Variants in PKD2L2 observed in about 807,000 individuals in gnomAD.
PKD2L2 encodes the protein polycystin-2-like protein 2.
PKD2L2 carries 67 observed loss-of-function variants against 83.9 expected under a neutral mutation model. That is an observed-to-expected ratio of 0.80 (90% CI 0.66 to 0.98). The LOEUF (loss-of-function observed/expected upper bound fraction) is 0.98, where lower values mean the gene tolerates loss of function less well. Ranked by LOEUF, PKD2L2 falls within the 50% of genes least tolerant of loss-of-function variation. The pLI, the probability that PKD2L2 is intolerant of heterozygous loss-of-function variation, is 0.00. For missense variants in PKD2L2, 632 were observed against 717.2 expected (o/e 0.88, Z 1.36); for synonymous variants, 223 against 237.8 (o/e 0.94, Z 0.57).
In PKD2L2 at chr5:137,942,667, T is replaced by A. The variant is rs1402024626; in HGVS notation, c.*301T>A. 3.8e-6 allele frequency: 2 copies of A among 526,100 alleles called. No homozygotes were observed. The highest frequency in any genetic ancestry group is 4.0e-5 in the African/African-American group (2 of 50,022). The allele number at this position is 526,100 out of a possible 1,614,324, so 32.6% of individuals were successfully genotyped here. On this transcript the variant is annotated 3_prime_UTR_variant, in exon 15 of 15. Transcript: ENST00000508883. ...CATGAGCCACTGTGCCTGGCTAGAT[T>A]TTTTTTTAATTTTTGAAATACAGTA...
chr5:137,929,461 CAA>C (rs768962600), intron 12 of PKD2L2, among the ~76,000 whole-genome samples: 3 of 34,916 alleles, frequency 8.6e-5, no homozygotes, highest in Non-Finnish European at 1.1e-4. Flanking sequence ...AACTCCATCT[CAA>C]AAAAAAAAAA....
chr5:137,928,603 T>G (rs1759580106), intron 12 of PKD2L2, among the ~76,000 whole-genome samples: 1 of 152,188 alleles, frequency 6.6e-6, no homozygotes, highest in Non-Finnish European at 1.5e-5. Flanking sequence ...AGCTAAATTT[T>G]GTGTTTTTTG....
intron 5 of PKD2L2, among the ~76,000 whole-genome samples, chr5:137,902,482 C>A (rs1757043289): frequency 6.6e-6 from 1 of 151,994 alleles, no homozygotes; most frequent in Non-Finnish European, 1.5e-5. Flanking sequence ...AGGATAAAGA[C>A]CATTATGAAG....
intron 14 of PKD2L2, chr5:137,938,741 T>C (rs1010246016): frequency 1.3e-5 from 2 of 152,412 alleles, no homozygotes; most frequent in Non-Finnish European, 2.9e-5. Flanking sequence ...GTGCTTACTA[T>C]GTAATAGTGC....
chr5:137,895,526 T>C (rs570909265), intron 4 of PKD2L2, among the ~76,000 whole-genome samples: 1 of 149,426 alleles, frequency 6.7e-6, no homozygotes, highest in South Asian at 2.1e-4. Flanking sequence ...GCAGTGCCAC[T>C]GGCACTGCCT....
intron 10 of PKD2L2, 50 bp downstream of exon 10, chr5:137,923,571 GTT>G (rs1181403081): frequency 1.1e-5 from 10 of 869,698 alleles, no homozygotes; most frequent in Non-Finnish European, 2.0e-5. Flanking sequence ...ACCTCATATA[GTT>G]TATCCTCTTG....
intron 3 of PKD2L2, 47 bp downstream of exon 3, chr5:137,892,660 G>A: frequency 6.5e-7 from 1 of 1,535,214 alleles, no homozygotes; most frequent in Non-Finnish European, 8.9e-7. Flanking sequence ...GGTAGTCCAT[G>A]AACCCTTGGC....
At chr5:137,891,591 T>C (rs889771939) in intron 2 of PKD2L2, among the ~76,000 whole-genome samples, 9 of 152,200 alleles carry the variant, frequency 5.9e-5, no homozygotes, top group African/African-American at 1.9e-4. Context: ...TGTAAAAATG[T>C]AAGTAAAAAG....
Position 137,892,563 on chromosome 5 carries a change from G to A in PKD2L2, c.217G>A (p.Glu73Lys). The change falls in exon 3 of 15, where the codon GAA becomes AAA. Residue 73 changes from glutamate (E) to lysine (K), a missense_variant. Glu to Lys is a moderately conservative substitution (Grantham distance 56). Coordinates refer to ENST00000508883, the MANE Select transcript of PKD2L2 (RefSeq NM_001300921.2). ...SLFLDTSVPG[E>K]ERTNFKSIRS... Reference sequence around the variant, plus strand: ...ATTTTTGGACACTTCTGTGCCTGGTGAAGAAAGAACCAACTTTAAGTCCAT... The same window carrying A: ...ATTTTTGGACACTTCTGTGCCTGGTAAAGAAAGAACCAACTTTAAGTCCAT... 1.2e-6 allele frequency: 2 copies of A among 1,612,428 alleles called. No homozygotes were observed. Among genetic ancestry groups the A allele is most frequent in the African/African-American group, 1.3e-5 (1 of 74,960 alleles).
intron 14 of PKD2L2, chr5:137,939,726 G>A (rs187412806): frequency 1.3e-4 from 46 of 343,230 alleles, no homozygotes; most frequent in African/African-American, 8.2e-4. Flanking sequence ...GTTTGATTTT[G>A]GTTTTCTAGG....
intron 14 of PKD2L2, chr5:137,939,760 T>C (rs994276885): frequency 1.1e-5 from 8 of 754,730 alleles, no homozygotes; most frequent in Admixed American, 4.8e-5. Flanking sequence ...CAGTTGCGTA[T>C]GTGCACTTTT....
chr5:137,917,408 C>T (rs1265619342), intron 8 of PKD2L2, among the ~76,000 whole-genome samples: 1 of 152,128 alleles, frequency 6.6e-6, no homozygotes, highest in Non-Finnish European at 1.5e-5. Context: ...AGGTGATCCA[C>T]CTGTCTTGGA....
At chr5:137,906,690 A>G (rs1309557065) in intron 6 of PKD2L2, among the ~76,000 whole-genome samples, 2 of 152,150 alleles carry the variant, frequency 1.3e-5, no homozygotes, top group African/African-American at 4.8e-5. Context: ...TTACGCTTTA[A>G]TGTGCACAGT....
rs1264934702 is a variant in PKD2L2 at position 137,892,480 on chromosome 5, T to C, written c.134T>C (p.Leu45Ser). The C allele has an allele frequency of 2.0e-6, 3 of 1,474,746 alleles. No individual in the cohort carries two copies. Among genetic ancestry groups the C allele is most frequent in the Non-Finnish European group, 2.7e-6 (3 of 1,095,256 alleles). The allele number at this position is 1,474,746 out of a possible 1,614,324, so 91.4% of individuals were successfully genotyped here. The stretch of plus-strand genomic sequence containing the variant: ...TTAAACAAAAAATTATTCTCCTTAG[T>C]GACTTTTGGGATGGTAAACCCACAT... ...YFIFLINLCI[L>S]TFGMVNPHMY... is the part of the protein sequence containing the mutation. Residue 45 changes from leucine to serine, a missense_variant and splice_region_variant, in exon 3 of 15, where the codon TTG (leucine) becomes TCG (serine). Physicochemically the swap from Leu to Ser is moderately radical, Grantham distance 145 (BLOSUM62 -2). Around this residue, in one of 3 missense-constraint regions of PKD2L2, gnomAD observed 229 missense variants for 281.5 expected, o/e 0.81. Coordinates refer to ENST00000508883, the MANE Select transcript of PKD2L2 (RefSeq NM_001300921.2).
At position 137,894,296 on chromosome 5, in the gene PKD2L2, G is replaced by A. The variant is rs1756251405; in HGVS notation, c.268-57G>A. ...ATCTCTTATGCATAATGTTATGAAT[G>A]TAGATTCTGTTGACATGAAAATATT... is the stretch of plus-strand genomic sequence containing the variant. On this transcript the variant is annotated intron_variant, in intron 3 of 14. Coordinates refer to ENST00000508883, the MANE Select transcript of PKD2L2 (RefSeq NM_001300921.2). 16 of 1,419,272 alleles carry A rather than the reference G, an allele frequency of 1.1e-5. No homozygotes were observed. The South Asian group carries it at 1.8e-4, about 16-fold the overall frequency. The allele number at this position is 1,419,272 out of a possible 1,614,324, so 87.9% of individuals were successfully genotyped here.
intron 12 of PKD2L2, among the ~76,000 whole-genome samples, chr5:137,931,289 A>T (rs1038947007): frequency 1.3e-5 from 2 of 152,204 alleles, no homozygotes; most frequent in Non-Finnish European, 2.9e-5. Flanking sequence ...GTTTCAAGCT[A>T]TTTAAGCTAT....
At chr5:137,893,442 G>C (rs1025376266) in intron 3 of PKD2L2, among the ~76,000 whole-genome samples, 1 of 152,158 alleles carries the variant, frequency 6.6e-6, no homozygotes. Flanking sequence ...AGCAGTTTCA[G>C]CTATCCCAGG....
At chr5:137,915,326 T>C (rs1758226127) in intron 8 of PKD2L2, among the ~76,000 whole-genome samples, 1 of 152,232 alleles carries the variant, frequency 6.6e-6, no homozygotes, top group South Asian at 2.1e-4. Flanking sequence ...GCATTAATTC[T>C]TTAAATGTTT....
intron 8 of PKD2L2, among the ~76,000 whole-genome samples, chr5:137,909,656 C>G (rs899462362): frequency 6.6e-6 from 1 of 150,812 alleles, no homozygotes; most frequent in African/African-American, 2.4e-5. Context: ...GCAGTCCTCC[C>G]ACCTCAGCCT....
Sources: gnomAD v4.1 joint callset for allele counts (sites outside exome capture counted in the v4.1 genomes callset) on GRCh38, gnomAD v4.1.1 for gene constraint, gnomAD v4.1.1 regional missense constraint, MANE v1.5 for transcripts, NCBI Gene and HGNC (gene_info 2026-07-23, HGNC 2026-07-21) for gene names.